The following CDH13 variants were observed in gnomAD, a reference collection of about 807,000 sequenced individuals.
CDH13 encodes cadherin 13, also known as cadherin-13.
Under a neutral mutation model 63.8 loss-of-function variants are expected in CDH13, and 24 were observed. The observed-to-expected ratio is 0.38, with a 90% CI of 0.27 to 0.53. The LOEUF is 0.53. CDH13 is among the 20% of genes least tolerant of loss of function. The pLI, the probability that CDH13 is intolerant of heterozygous loss-of-function variation, is 0.85. For missense variants in CDH13, 1,049 were observed against 903.1 expected (o/e 1.16, Z -2.07); for synonymous variants, 503 against 355.3 (o/e 1.42, Z -4.67).
chr16:83,373,593 G>A (rs2091410842), intron 6 of CDH13, among the ~76,000 whole-genome samples: 1 of 152,196 alleles, frequency 6.6e-6, no homozygotes, highest in Non-Finnish European at 1.5e-5. Flanking sequence ...TGATACAGGT[G>A]TTGGAGAGAG....
At chr16:83,305,447 T>G (rs2089852508) in intron 5 of CDH13, among the ~76,000 whole-genome samples, 1 of 152,372 alleles carries the variant, frequency 6.6e-6, no homozygotes, top group Non-Finnish European at 1.5e-5. Flanking sequence ...AGCCAGTATG[T>G]CCTGAGGTTT....
At chr16:82,793,396 T>C (rs528978584) in intron 1 of CDH13, among the ~76,000 whole-genome samples, 1 of 151,862 alleles carries the variant, frequency 6.6e-6, no homozygotes, top group South Asian at 2.1e-4. Flanking sequence ...AAAAAATCAC[T>C]CCACCCCTCC....
rs143842949 is a variant in CDH13 at position 83,753,150 on chromosome 16, T to C, written c.1681+4900T>C. ...AAGAACATAAATTAAAAAGCCCTTA[T>C]AAATCAGAGCAACTTTTATTTAAAA... is the stretch of plus-strand genomic sequence containing the variant. On this transcript the variant is annotated intron_variant, in intron 11 of 13. Transcript: ENST00000567109. 5.6e-4 allele frequency among the ~76,000 whole-genome samples: 86 copies of C among 152,340 alleles called. No individual in the cohort carries two copies. In the Middle Eastern group the frequency reaches 0.01, roughly 18 times the overall value.
intron 5 of CDH13, among the ~76,000 whole-genome samples, chr16:83,291,019 C>T (rs759370036): frequency 3.9e-5 from 6 of 152,148 alleles, no homozygotes; most frequent in Non-Finnish European, 5.9e-5. Context: ...CAGCATGTCA[C>T]GCAGACCTTT....
intron 7 of CDH13, among the ~76,000 whole-genome samples, chr16:83,558,012 TG>T (rs1260994447): frequency 6.6e-6 from 1 of 152,142 alleles, no homozygotes; most frequent in Non-Finnish European, 1.5e-5. Flanking sequence ...CATTGAGCAC[TG>T]GGAAATCAAT....
intron 10 of CDH13, among the ~76,000 whole-genome samples, chr16:83,714,948 C>G (rs1908658638): frequency 6.6e-6 from 1 of 152,048 alleles, no homozygotes; most frequent in African/African-American, 2.4e-5. Context: ...TTGCCTCTGC[C>G]CATCTGTTTC....
chr16:83,616,198 A>G (rs1909266727), intron 8 of CDH13, among the ~76,000 whole-genome samples: 1 of 152,214 alleles, frequency 6.6e-6, no homozygotes, highest in Non-Finnish European at 1.5e-5. Flanking sequence ...GTTGTTGGAA[A>G]TGCCCACGCT....
At chr16:83,080,883 T>TG (rs1229664154) in intron 3 of CDH13, among the ~76,000 whole-genome samples, 2 of 90,954 alleles carry the variant, frequency 2.2e-5, no homozygotes, top group Non-Finnish European at 4.9e-5. Context: ...TTTTTTTTTT[T>TG]TTTTTTTTTT....
At chr16:83,341,788 C>A (rs2090728070) in intron 5 of CDH13, among the ~76,000 whole-genome samples, 1 of 152,078 alleles carries the variant, frequency 6.6e-6, no homozygotes, top group Non-Finnish European at 1.5e-5. Context: ...ATACCATTCC[C>A]CACTCCTAAA....
intron 1 of CDH13, chr16:82,727,567 T>C (rs1452278483): frequency 6.6e-6 from 1 of 152,192 alleles, no homozygotes; most frequent in Non-Finnish European, 1.5e-5. Context: ...TGCTGAGATT[T>C]AAAGGGTAAG....
intron 7 of CDH13, among the ~76,000 whole-genome samples, chr16:83,510,631 G>A (rs1020459838): frequency 2.0e-5 from 3 of 152,102 alleles, no homozygotes; most frequent in Non-Finnish European, 4.4e-5. Flanking sequence ...GGAGACCCAG[G>A]GATCAAGACT....
At chr16:82,750,519 C>G (rs1373417832) in intron 1 of CDH13, among the ~76,000 whole-genome samples, 9 of 152,190 alleles carry the variant, frequency 5.9e-5, no homozygotes, top group Admixed American at 4.6e-4. Context: ...AATGTTAGTA[C>G]CAGACTAATG....
chr16:83,175,879 A>G (rs1183171424), intron 4 of CDH13, among the ~76,000 whole-genome samples: 1 of 131,282 alleles, frequency 7.6e-6, no homozygotes, highest in Non-Finnish European at 1.5e-5. Context: ...CCCAGGCTAG[A>G]GTGTAATGGC....
At chr16:82,918,597 C>T (rs918742015) in intron 2 of CDH13, among the ~76,000 whole-genome samples, 1 of 151,204 alleles carries the variant, frequency 6.6e-6, no homozygotes, top group African/African-American at 2.4e-5. Context: ...GAACTTCTGC[C>T]TCCCAGGTTC....
intron 7 of CDH13, among the ~76,000 whole-genome samples, chr16:83,542,824 C>T (rs529147381): frequency 6.6e-6 from 1 of 152,202 alleles, no homozygotes; most frequent in Admixed American, 6.5e-5. Context: ...TATAAGAACA[C>T]CAATCATATT....
At chr16:83,609,867 G>C (rs577007551) in intron 8 of CDH13, among the ~76,000 whole-genome samples, 2 of 152,272 alleles carry the variant, frequency 1.3e-5, no homozygotes, top group East Asian at 3.9e-4. Context: ...CCCATGAGCA[G>C]TTACTCCCCA....
intron 1 of CDH13, among the ~76,000 whole-genome samples, chr16:82,684,477 A>T (rs543447401): frequency 6.6e-6 from 1 of 152,152 alleles, no homozygotes; most frequent in African/African-American, 2.4e-5. Flanking sequence ...TGCTGTAGTC[A>T]ATTAGTGATG....
chr16:83,504,553 A>T (rs2074354601), intron 7 of CDH13, among the ~76,000 whole-genome samples: 1 of 152,202 alleles, frequency 6.6e-6, no homozygotes, highest in South Asian at 2.1e-4. Flanking sequence ...CCAGATCTTT[A>T]TGACCTGGAC....
chr16:83,461,008 C>CACACACACAG (rs2073166040), intron 6 of CDH13, among the ~76,000 whole-genome samples: 2 of 151,258 alleles, frequency 1.3e-5, no homozygotes, highest in African/African-American at 4.9e-5. Context: ...CACACACACA[C>CACACACACAG]ACACACACAC....
Sources: allele counts gnomAD v4.1 joint callset (sites outside exome capture counted in the v4.1 genomes callset), GRCh38; gene constraint gnomAD v4.1.1; transcripts MANE v1.5; gene names NCBI Gene and HGNC (gene_info 2026-07-23, HGNC 2026-07-21).